CLSTN2: variants seen among roughly 807,000 people sequenced by gnomAD.
The protein encoded by CLSTN2 is calsyntenin 2.
In CLSTN2, 48 loss-of-function variants were observed where a neutral mutation model predicts 101.2. That is an observed-to-expected ratio of 0.47 (90% CI 0.38 to 0.60). The LOEUF is 0.60. Ranked by LOEUF, CLSTN2 falls within the 20% of genes least tolerant of loss-of-function variation. CLSTN2 has a pLI of 0.00. For synonymous variants in CLSTN2, 481 were observed against 463.6 expected (o/e 1.04, Z -0.48); for missense variants, 1,160 against 1,238.2 (o/e 0.94, Z 0.95).
intron 4 of CLSTN2, among the ~76,000 whole-genome samples, chr3:140,415,500 A>AAAAAC (rs1559862974): frequency 4.6e-5 from 7 of 151,272 alleles, no homozygotes; most frequent in African/African-American, 1.7e-4. Flanking sequence ...AAAAAAAAAA[A>AAAAAC]AAAAAAAAAA....
At chr3:140,201,194 T>A (rs2010713815) in intron 2 of CLSTN2, among the ~76,000 whole-genome samples, 1 of 152,146 alleles carries the variant, frequency 6.6e-6, no homozygotes, top group Non-Finnish European at 1.5e-5. Context: ...TAGAGACTGG[T>A]TTGGTGTCCG....
chr3:140,095,612 A>C (rs1042658112), intron 1 of CLSTN2, among the ~76,000 whole-genome samples: 1 of 152,146 alleles, frequency 6.6e-6, no homozygotes, highest in African/African-American at 2.4e-5. Flanking sequence ...AACTACTATT[A>C]TTCTATTCCA....
chr3:140,452,938 T>A (rs1231173319), intron 6 of CLSTN2, among the ~76,000 whole-genome samples: 4 of 152,154 alleles, frequency 2.6e-5, no homozygotes, highest in African/African-American at 9.7e-5. Context: ...TAGCTCCACA[T>A]GAAGGACCAT....
intron 2 of CLSTN2, among the ~76,000 whole-genome samples, chr3:140,298,882 C>T (rs1433161203): frequency 6.6e-6 from 1 of 152,112 alleles, no homozygotes; most frequent in Non-Finnish European, 1.5e-5. Flanking sequence ...GGCCCTTCAA[C>T]CTGAATAAAA....
chr3:140,035,942 G>A (rs550845926), intron 1 of CLSTN2, among the ~76,000 whole-genome samples: 6 of 152,284 alleles, frequency 3.9e-5, no homozygotes, highest in African/African-American at 9.6e-5. Flanking sequence ...CCAGTTGCTC[G>A]GGTAACATAT....
intron 1 of CLSTN2, among the ~76,000 whole-genome samples, chr3:140,164,623 G>T (rs1320357708): frequency 6.6e-6 from 1 of 152,142 alleles, no homozygotes; most frequent in African/African-American, 2.4e-5. Context: ...CTGTCTTAGG[G>T]TGAACTTTGG....
chr3:140,549,942 T>C (rs1935673570), intron 10 of CLSTN2, among the ~76,000 whole-genome samples: 1 of 150,648 alleles, frequency 6.6e-6, no homozygotes, highest in African/African-American at 2.5e-5. Flanking sequence ...AGTCCTAAAA[T>C]GGTTTAGTGG....
At chr3:140,138,533 G>T (rs1560106513) in intron 1 of CLSTN2, among the ~76,000 whole-genome samples, 3 of 152,222 alleles carry the variant, frequency 2.0e-5, no homozygotes, top group Non-Finnish European at 1.5e-5. Context: ...GGAAAGCCAG[G>T]TAGATGTGGG....
chr3:140,234,150 C>T (rs546258693), intron 2 of CLSTN2, among the ~76,000 whole-genome samples: 33 of 151,240 alleles, frequency 2.2e-4, no homozygotes, highest in Admixed American at 5.3e-4. Flanking sequence ...GAAAGGGTCA[C>T]GGTCACAAAT....
chr3:140,178,676 G>A (rs2107830203), intron 2 of CLSTN2, among the ~76,000 whole-genome samples: 1 of 152,280 alleles, frequency 6.6e-6, no homozygotes, highest in African/African-American at 2.4e-5. Context: ...ACAGGCACTA[G>A]CCATCCATCC....
At chr3:140,162,839 A>T (rs556504363) in intron 1 of CLSTN2, among the ~76,000 whole-genome samples, 7 of 152,362 alleles carry the variant, frequency 4.6e-5, no homozygotes, top group African/African-American at 1.7e-4. Context: ...CGTTCTGGAC[A>T]TCTTAGAATC....
At chr3:140,220,403 T>A (rs1160428187) in intron 2 of CLSTN2, among the ~76,000 whole-genome samples, 1 of 152,224 alleles carries the variant, frequency 6.6e-6, no homozygotes, top group Non-Finnish European at 1.5e-5. Context: ...GGACCATTAT[T>A]TGGAATTTGG....
intron 5 of CLSTN2, among the ~76,000 whole-genome samples, chr3:140,446,315 C>A (rs1933076579): frequency 6.6e-6 from 1 of 152,144 alleles, no homozygotes; most frequent in Admixed American, 6.5e-5. Context: ...TAGGGATATT[C>A]TCCTTTACAA....
chr3:140,048,429 A>T (rs1458404192), intron 1 of CLSTN2, among the ~76,000 whole-genome samples: 1 of 152,122 alleles, frequency 6.6e-6, no homozygotes, highest in Admixed American at 6.5e-5. Context: ...ATACTGAATG[A>T]CTCTCAGAGT....
At chr3:140,260,415 C>G (rs1386131748) in intron 2 of CLSTN2, among the ~76,000 whole-genome samples, 1 of 151,738 alleles carries the variant, frequency 6.6e-6, no homozygotes. Flanking sequence ...TAAGAGTTTT[C>G]TAACAGCCCA....
intron 8 of CLSTN2, among the ~76,000 whole-genome samples, chr3:140,523,625 C>T (rs1935080513): frequency 6.6e-6 from 1 of 152,164 alleles, no homozygotes; most frequent in Non-Finnish European, 1.5e-5. Flanking sequence ...TGCATAGATA[C>T]TATTATTATC....
At chr3:139,937,614 C>T (rs972559330) in intron 1 of CLSTN2, among the ~76,000 whole-genome samples, 1 of 150,962 alleles carries the variant, frequency 6.6e-6, no homozygotes, top group Non-Finnish European at 1.5e-5. Context: ...TGTGGTGACA[C>T]GCACCTGTAA....
At chr3:140,144,573 G>A (rs981362950) in intron 1 of CLSTN2, among the ~76,000 whole-genome samples, 4 of 151,956 alleles carry the variant, frequency 2.6e-5, no homozygotes, top group African/African-American at 9.7e-5. Context: ...CCAAGATCGC[G>A]CCACTGCACT....
intron 1 of CLSTN2, among the ~76,000 whole-genome samples, chr3:140,039,470 T>C (rs2107763162): frequency 6.6e-6 from 1 of 152,366 alleles, no homozygotes; most frequent in Non-Finnish European, 1.5e-5. Flanking sequence ...TAGTTTGTAC[T>C]TTTTACATTT....
Sources: gnomAD v4.1 joint callset for allele counts (sites outside exome capture counted in the v4.1 genomes callset) on GRCh38, gnomAD v4.1.1 for gene constraint, MANE v1.5 for transcripts, NCBI Gene and HGNC (gene_info 2026-07-23, HGNC 2026-07-21) for gene names.